SLC22A5: variants seen among roughly 807,000 people sequenced by gnomAD.
The protein encoded by SLC22A5 is solute carrier family 22 member 5, also known as organic cation/carnitine transporter 2.
In SLC22A5, 44 loss-of-function variants were observed where a neutral mutation model predicts 56.7. That is an observed-to-expected ratio of 0.78 (90% confidence interval 0.61 to 1.00). The LOEUF (loss-of-function observed/expected upper bound fraction) is 1.00. SLC22A5 is among the 50% of genes least tolerant of loss of function. SLC22A5 has a pLI of 0.00. For synonymous variants in SLC22A5, 278 were observed against 292.1 expected (o/e 0.95, Z 0.49); for missense variants, 675 against 723.0 (o/e 0.93, Z 0.76).
At chr5:132,373,108 C>T (rs572143931) in intron 1 of SLC22A5, among the ~76,000 whole-genome samples, 21 of 152,226 alleles carry the variant, frequency 1.4e-4, no homozygotes, top group African/African-American at 4.8e-4. Context: ...GGGAGGTTCT[C>T]AGGAAAATTT....
At chr5:132,382,875 T>A (rs923931762) in intron 2 of SLC22A5, 1 of 152,216 alleles carries the variant, frequency 6.6e-6, no homozygotes, top group African/African-American at 2.4e-5. Context: ...TCAATAAACA[T>A]TGAATGAAAG....
Position 132,370,085 on chromosome 5 carries a change from C to G in SLC22A5, c.113C>G (p.Ser38Cys). ...SIIPNGFTGLSSVFLIATPEH... is the reference protein window; with the variant it reads ...SIIPNGFTGLCSVFLIATPEH... ...ATCCCCAATGGCTTCACCGGCCTGT[C>G]CTCCGTGTTCCTGATAGCGACCCCG... is the stretch of plus-strand genomic sequence containing the variant. The change falls in exon 1 of 10, where the codon TCC becomes TGC. Residue 38 changes from serine to cysteine, a missense_variant. Transcript: ENST00000245407. 1.2e-6 allele frequency: 2 copies of G among 1,612,824 alleles called. No homozygotes were observed. The highest frequency in any genetic ancestry group is 2.2e-5 in the East Asian group (1 of 44,850).
chr5:132,375,034 A>T (rs2126771819), intron 1 of SLC22A5, among the ~76,000 whole-genome samples: 1 of 152,296 alleles, frequency 6.6e-6, no homozygotes, highest in African/African-American at 2.4e-5. Context: ...AGCCTGGGAG[A>T]CAGAGCAAGA....
At chr5:132,389,564 A>G in intron 6 of SLC22A5, 1 of 169,444 alleles carries the variant, frequency 5.9e-6, no homozygotes, top group Non-Finnish European at 1.3e-5. Context: ...GTGAATTACC[A>G]GGGAGAGGAA....
intron 7 of SLC22A5, among the ~76,000 whole-genome samples, chr5:132,391,178 G>C (rs1031110936): frequency 1.3e-5 from 2 of 152,192 alleles, no homozygotes; most frequent in South Asian, 4.1e-4. Flanking sequence ...CACTGCAGAA[G>C]AAGAGGGAAG....
At position 132,370,029 on chromosome 5, in the gene SLC22A5, C is replaced by T. The variant is rs780964945; in HGVS notation, c.57C>T (p.Arg19=). The change falls in exon 1 of 10, where the codon CGC becomes CGT. Residue 19 remains arginine (R), a synonymous_variant. Transcript: ENST00000245407. Reference sequence around the variant, plus strand: ...TGGGCGAGTGGGGGCCCTTCCAGCGCCTCATCTTCTTCCTGCTCAGCGCCA... The same window carrying T: ...TGGGCGAGTGGGGGCCCTTCCAGCGTCTCATCTTCTTCCTGCTCAGCGCCA... ...AFLGEWGPFQ[R]LIFFLLSASI... is the part of the protein sequence containing the mutation. 6.2e-7 allele frequency: 1 copy of T among 1,613,450 alleles called. No individual in the cohort carries two copies. Among genetic ancestry groups the T allele is most frequent in the South Asian group, 1.1e-5 (1 of 91,080 alleles).
At chr5:132,393,624 G>T (rs1243173648) in intron 8 of SLC22A5, 52 bp from the exon 9 acceptor site, 36 of 1,611,114 alleles carry the variant, frequency 2.2e-5, no homozygotes, top group Non-Finnish European at 3.0e-5. Context: ...GTAGATGAGA[G>T]ACCAAGTCTA....
rs534336326 is a variant in SLC22A5, at chr5:132,378,396, G to T, written c.412G>T (p.Asp138Tyr). The change falls in exon 2 of 10, where the codon GAC becomes TAC. Residue 138 changes from aspartate to tyrosine, a missense_variant. By Grantham distance (160) the Asp-to-Tyr change is radical. Coordinates refer to ENST00000245407, the MANE Select transcript of SLC22A5 (RefSeq NM_003060.4). Reference sequence around the variant, plus strand: ...CTTGCAGTGGAACCTGGTGTGTGAGGACGACTGGAAGGCCCCACTCACAAT... The same window carrying T: ...CTTGCAGTGGAACCTGGTGTGTGAGTACGACTGGAAGGCCCCACTCACAAT... ...IVTEWNLVCE[D>Y]DWKAPLTISL... is the part of the protein sequence containing the mutation. 9.9e-6 allele frequency: 16 copies of T among 1,614,180 alleles called. 1 individual carries two copies. In the South Asian group the frequency reaches 1.6e-4, roughly 17 times the overall value.
intron 1 of SLC22A5, 191 bp from the exon 2 acceptor site, chr5:132,378,187 T>C (rs527512130): frequency 6.2e-6 from 10 of 1,602,484 alleles, no homozygotes; most frequent in Non-Finnish European, 8.5e-6. Context: ...CCTACAATGC[T>C]ATGAAAAACA....
intron 3 of SLC22A5, 120 bp downstream of exon 3, chr5:132,384,421 G>A (rs1752454299): frequency 9.3e-7 from 1 of 1,070,592 alleles, no homozygotes; most frequent in Non-Finnish European, 1.4e-6. Context: ...AACAAAACTA[G>A]CCAGAGCTTC....
At position 132,370,136 on chromosome 5, in the gene SLC22A5, C is replaced by T. The variant is rs763951604; in HGVS notation, c.164C>T (p.Ala55Val). The T allele has an allele frequency of 6.2e-7, 1 of 1,610,242 alleles. No homozygotes were observed. Among genetic ancestry groups the T allele is most frequent in the Admixed American group, 1.7e-5 (1 of 59,668 alleles). Reference sequence around the variant, plus strand: ...GAGCACCGCTGCCGGGTGCCGGACGCCGCGAACCTGAGCAGCGCCTGGCGC... The same window carrying T: ...GAGCACCGCTGCCGGGTGCCGGACGTCGCGAACCTGAGCAGCGCCTGGCGC... ...TPEHRCRVPD[A>V]ANLSSAWRNH... Residue 55 changes from alanine (A) to valine (V), a missense_variant, in exon 1 of 10, where the codon GCC (alanine) becomes GTC (valine). By Grantham distance (64) the Ala-to-Val change is moderately conservative. Transcript: ENST00000245407.
chr5:132,384,413 C>T (rs1196743058), intron 3 of SLC22A5, 112 bp downstream of exon 3: 1 of 1,134,454 alleles, frequency 8.8e-7, no homozygotes, highest in Non-Finnish European at 1.3e-6. Context: ...GGGTTTCTAA[C>T]AAAACTAGCC....
chr5:132,384,394 A>C (rs1752453469), intron 3 of SLC22A5, 93 bp downstream of exon 3: 2 of 1,278,498 alleles, frequency 1.6e-6, no homozygotes, highest in Non-Finnish European at 2.3e-6. Context: ...ATGTCCCTCA[A>C]GGGGGACAGG....
chr5:132,381,699 T>C (rs1752353859), intron 2 of SLC22A5: 1 of 152,282 alleles, frequency 6.6e-6, no homozygotes, highest in African/African-American at 2.4e-5. Context: ...GTTATCTTTA[T>C]GCGTCTGACT....
At position 132,385,512 on chromosome 5, in the gene SLC22A5, T is replaced by C. The variant is rs274557; in HGVS notation, c.824+13T>C. The C allele has an allele frequency of 0.4, 650,791 of 1,609,746 alleles. 137,584 individuals carry two copies. The highest frequency in any genetic ancestry group is 0.67 in the East Asian group (29,946 of 44,816). On this transcript the variant is annotated intron_variant, in intron 4 of 9. Transcript: ENST00000245407. ...TGGCACTCTGGTGGTGAGTGTGACC[T>C]TGTGCCCCATGTGCCCACTGGCAGG... is the stretch of plus-strand genomic sequence containing the variant.
intron 1 of SLC22A5, among the ~76,000 whole-genome samples, chr5:132,371,769 C>T (rs779463455): frequency 7.9e-5 from 12 of 152,132 alleles, no homozygotes; most frequent in Non-Finnish European, 1.6e-4. Context: ...AGCAGGACGG[C>T]GGAGTTCACA....
rs274547 is a variant in SLC22A5, at chr5:132,395,612, A to T, written c.*1340A>T. ...AATAAGTAAAATGATTTTTTAAATA[A>T]CAGCAACTGCCTAGAATCTTTATTT... On this transcript the variant is annotated 3_prime_UTR_variant, in exon 10 of 10. Coordinates refer to ENST00000245407, the MANE Select transcript of SLC22A5 (RefSeq NM_003060.4). 114,909 of 152,778 alleles carry T rather than the reference A, an allele frequency of 0.75. 45,005 individuals are homozygous for T. Among genetic ancestry groups the T allele is most frequent in the East Asian group, 0.91 (4,828 of 5,322 alleles). The allele number at this position is 152,778 out of a possible 1,614,324, so 9.5% of individuals were successfully genotyped here. A position where few individuals can be genotyped will look rare whatever the true frequency, so the allele number is the denominator to read the frequency against.
chr5:132,389,292 T>A, intron 6 of SLC22A5: 1 of 417,622 alleles, frequency 2.4e-6, no homozygotes, highest in Non-Finnish European at 4.5e-6. Context: ...AGATGAATCC[T>A]TGCCCAATTT....
At chr5:132,391,173 C>A (rs559890765) in intron 7 of SLC22A5, among the ~76,000 whole-genome samples, 1 of 152,290 alleles carries the variant, frequency 6.6e-6, no homozygotes, top group South Asian at 2.1e-4. Flanking sequence ...TTTTCCACTG[C>A]AGAAGAAGAG....
Sources: gnomAD v4.1 joint callset for allele counts (sites outside exome capture counted in the v4.1 genomes callset) on GRCh38, gnomAD v4.1.1 for gene constraint, MANE v1.5 for transcripts, NCBI Gene and HGNC (gene_info 2026-07-23, HGNC 2026-07-21) for gene names.